The following PACRG variants were observed in gnomAD, a reference collection of about 807,000 sequenced individuals.
PACRG encodes parkin coregulated.
A neutral mutation model predicts 29.7 loss-of-function variants in PACRG; 29 were observed. The observed-to-expected ratio is 0.98, with a 90% CI of 0.73 to 1.33. PACRG has a LOEUF of 1.33. Among genes scored for constraint, PACRG ranks in the 40% most tolerant of loss-of-function variants. The pLI, the probability that PACRG is intolerant of heterozygous loss-of-function variation, is 0.00. For missense variants in PACRG, 279 were observed against 316.2 expected (o/e 0.88, Z 0.89); for synonymous variants, 116 against 118.7 (o/e 0.98, Z 0.15).
At chr6:162,757,700 C>T (rs1251014226) in intron 1 of PACRG, among the ~76,000 whole-genome samples, 1 of 151,938 alleles carries the variant, frequency 6.6e-6, no homozygotes, top group Non-Finnish European at 1.5e-5. Context: ...GAGCGAGACT[C>T]TGTCTAAAAA....
intron 4 of PACRG, among the ~76,000 whole-genome samples, chr6:163,158,496 G>A (rs1437005834): frequency 6.6e-6 from 1 of 152,180 alleles, no homozygotes; most frequent in Non-Finnish European, 1.5e-5. Context: ...ACCTAGGAAA[G>A]AAAAGTAGGG....
At chr6:163,251,411 G>A (rs780796506) in intron 4 of PACRG, among the ~76,000 whole-genome samples, 5 of 152,106 alleles carry the variant, frequency 3.3e-5, no homozygotes, top group Non-Finnish European at 7.4e-5. Flanking sequence ...AGAACACGTC[G>A]GGGACTTCCC....
At chr6:162,929,013 T>A (rs1797655213) in intron 2 of PACRG, among the ~76,000 whole-genome samples, 1 of 152,032 alleles carries the variant, frequency 6.6e-6, no homozygotes, top group Non-Finnish European at 1.5e-5. Context: ...TATCCAGTCA[T>A]CCACTGATGG....
At chr6:163,286,086 G>A (rs1035714560) in intron 4 of PACRG, among the ~76,000 whole-genome samples, 8 of 152,128 alleles carry the variant, frequency 5.3e-5, no homozygotes, top group Non-Finnish European at 1.2e-4. Flanking sequence ...AGGGGTGAAC[G>A]GAATATTTCA....
chr6:163,276,528 G>T (rs75239988), intron 4 of PACRG, among the ~76,000 whole-genome samples: 1,699 of 152,208 alleles, frequency 0.011, 33 homozygotes, highest in African/African-American at 0.039. Flanking sequence ...GATCATTCTG[G>T]GTCAGTTTTC....
At chr6:163,154,688 T>G (rs565501474) in intron 4 of PACRG, among the ~76,000 whole-genome samples, 3 of 152,250 alleles carry the variant, frequency 2.0e-5, no homozygotes, top group African/African-American at 7.2e-5. Context: ...ATAATTTTTT[T>G]AAATATAAGT....
At chr6:162,986,872 T>C (rs952096642) in intron 2 of PACRG, among the ~76,000 whole-genome samples, 5 of 152,110 alleles carry the variant, frequency 3.3e-5, no homozygotes, top group African/African-American at 1.2e-4. Context: ...GAAGTTGTGA[T>C]TGTTTTTTCT....
chr6:163,314,880 G>T lies in PACRG; in HGVS notation c.667G>T (p.Asp223Tyr). 6.2e-7 allele frequency: 1 copy of T among 1,614,188 alleles called. No homozygotes were observed. The highest frequency in any genetic ancestry group is 8.5e-7 in the Non-Finnish European group (1 of 1,180,044). ...CCAGCAGAAGAGGGAGAACATTGGG[G>T]ACTTGATCCAGGAGACACTGGAGGC... ...YSQQKRENIG[D>Y]LIQETLEAFE... The change falls in exon 5 of 5, where the codon GAC (aspartate) becomes TAC (tyrosine). Residue 223 changes from aspartate to tyrosine, a missense_variant. Transcript: ENST00000366888.
chr6:163,084,039 T>C (rs1311659968), intron 3 of PACRG, among the ~76,000 whole-genome samples: 5 of 152,238 alleles, frequency 3.3e-5, no homozygotes, highest in Non-Finnish European at 2.9e-5. Flanking sequence ...GCAATTTCTC[T>C]ATATCTGAAG....
chr6:162,848,089 G>A (rs1350656388), intron 2 of PACRG, among the ~76,000 whole-genome samples: 2 of 152,078 alleles, frequency 1.3e-5, no homozygotes, highest in East Asian at 1.9e-4. Context: ...AGGGTGCAGC[G>A]GCAGAGTTAT....
intron 4 of PACRG, among the ~76,000 whole-genome samples, chr6:163,090,867 T>C (rs528875250): frequency 6.6e-6 from 1 of 152,348 alleles, no homozygotes; most frequent in South Asian, 2.1e-4. Flanking sequence ...TTAACATTTT[T>C]GAAGTGTGCG....
intron 4 of PACRG, among the ~76,000 whole-genome samples, chr6:163,155,391 G>A (rs1009664807): frequency 6.6e-6 from 1 of 152,354 alleles, no homozygotes; most frequent in Admixed American, 6.5e-5. Flanking sequence ...TCGCTTTGAA[G>A]AATGAGTGAA....
Position 163,089,286 on chromosome 6 carries a change from T to A in PACRG, c.491T>A (p.Val164Asp). 1 of 1,614,046 alleles carries A rather than the reference T, an allele frequency of 6.2e-7. No individual in the cohort carries two copies. Among genetic ancestry groups the A allele is most frequent in the Non-Finnish European group, 8.5e-7 (1 of 1,179,988 alleles). The change falls in exon 4 of 5, where the codon GTC (valine) becomes GAC (aspartate). Residue 164 changes from valine (V) to aspartate (D), a missense_variant. Transcript: ENST00000366888. ...GCCTTGAACCTCCGAAACCGACAGG[T>A]CATCTGTGTCACTCTCAAGGTCCTC... ...KNALNLRNRQ[V>D]ICVTLKVLQH...
chr6:162,836,663 C>A (rs73017702), intron 2 of PACRG, among the ~76,000 whole-genome samples: 15,412 of 152,166 alleles, frequency 0.1, 933 homozygotes, highest in Middle Eastern at 0.17. Context: ...ATTTTTTATA[C>A]CTTCAATCTT....
chr6:163,081,366 G>A (rs1813055977), intron 3 of PACRG, among the ~76,000 whole-genome samples: 1 of 152,150 alleles, frequency 6.6e-6, no homozygotes, highest in African/African-American at 2.4e-5. Flanking sequence ...TTTGCTTAAT[G>A]GCTACAGAGT....
intron 4 of PACRG, among the ~76,000 whole-genome samples, chr6:163,213,848 C>G (rs1227684971): frequency 1.4e-5 from 2 of 144,728 alleles, no homozygotes; most frequent in African/African-American, 5.3e-5. Flanking sequence ...ATTATTTGCT[C>G]TAACTGAAAT....
chr6:162,786,045 C>T (rs1258713480), intron 1 of PACRG, among the ~76,000 whole-genome samples: 2 of 152,222 alleles, frequency 1.3e-5, no homozygotes, highest in Admixed American at 6.5e-5. Flanking sequence ...CTAGTTTTTC[C>T]TTTCCTAAAG....
intron 1 of PACRG, among the ~76,000 whole-genome samples, chr6:162,781,813 T>A (rs1784114440): frequency 6.6e-6 from 1 of 151,500 alleles, no homozygotes; most frequent in East Asian, 1.9e-4. Context: ...TAATAAAAAA[T>A]TCTTGAGTAA....
intron 1 of PACRG, among the ~76,000 whole-genome samples, chr6:162,813,659 G>C (rs2128361172): frequency 6.6e-6 from 1 of 152,056 alleles, no homozygotes; most frequent in East Asian, 1.9e-4. Context: ...TATCATTTTA[G>C]TAGTTTTATT....
Sources: allele counts gnomAD v4.1 joint callset (sites outside exome capture counted in the v4.1 genomes callset), GRCh38; gene constraint gnomAD v4.1.1; transcripts MANE v1.5; gene names NCBI Gene and HGNC (gene_info 2026-07-23, HGNC 2026-07-21).